STAU1: variants seen among roughly 807,000 people sequenced by gnomAD.
STAU1 encodes the protein double-stranded RNA-binding protein Staufen homolog 1.
Under a neutral mutation model 62.9 loss-of-function variants are expected in STAU1, and 13 were observed. The ratio of observed to expected loss-of-function variants is 0.21; its 90% CI spans 0.13 to 0.33. The LOEUF (loss-of-function observed/expected upper bound fraction) is 0.33, where lower values mean the gene tolerates loss of function less well. STAU1 is among the 10% of genes least tolerant of loss of function. STAU1 has a pLI of 1.00. For synonymous variants in STAU1, 269 were observed against 265.1 expected (o/e 1.01, Z -0.14); for missense variants, 571 against 712.1 (o/e 0.80, Z 2.25).
intron 6 of STAU1, among the ~76,000 whole-genome samples, chr20:49,133,556 A>T (rs753849971): frequency 8.5e-5 from 13 of 152,088 alleles, no homozygotes; most frequent in Non-Finnish European, 1.2e-4. Context: ...TTTCCCACTC[A>T]ACTGTGAGCC....
chr20:49,202,230 A>AAAAAGAAAGAAAGAAAGAAAGAAAG, the STAU1 span, among the ~76,000 whole-genome samples: 10 of 130,348 alleles, frequency 7.7e-5, no homozygotes, highest in African/African-American at 2.0e-4. Flanking sequence ...AAAAAAAAAA[A>AAAAAGAAAGAAAGAAAGAAAGAAAG]AAAGAAAGAA....
rs2092229677 is a variant in STAU1, at chr20:49,113,470, G to A, written c.*1408C>T. On this transcript the variant is annotated 3_prime_UTR_variant, in exon 14 of 14. Coordinates refer to ENST00000371856, the MANE Select transcript of STAU1 (RefSeq NM_017453.4). ...AATAAAAAAAGGATAGGGGCAAGTT[G>A]GGAGGGGACCAACCTAGCAGTAGTG... The A allele has an allele frequency of 6.6e-6, 1 of 152,624 alleles. No homozygotes were observed. Among genetic ancestry groups the A allele is most frequent in the South Asian group, 2.1e-4 (1 of 4,830 alleles). 9.5% of individuals were successfully genotyped at this position (152,624 alleles called of 1,614,324 possible).
At chr20:49,182,712 A>G (rs916418051) in intron 1 of STAU1, among the ~76,000 whole-genome samples, 7 of 151,946 alleles carry the variant, frequency 4.6e-5, no homozygotes, top group African/African-American at 1.7e-4. Flanking sequence ...GGTGGCGGGC[A>G]CCTGTAGTCC....
intron 8 of STAU1, among the ~76,000 whole-genome samples, chr20:49,120,932 T>C (rs1475111081): frequency 6.6e-6 from 1 of 152,006 alleles, no homozygotes; most frequent in Non-Finnish European, 1.5e-5. Context: ...GTAGCTGGGA[T>C]TACAGGCGTG....
chr20:49,175,394 A>G (rs2093646669), intron 1 of STAU1, among the ~76,000 whole-genome samples: 1 of 151,948 alleles, frequency 6.6e-6, no homozygotes, highest in Non-Finnish European at 1.5e-5. Flanking sequence ...AGACACATTT[A>G]TAAGAGACAG....
intron 1 of STAU1, among the ~76,000 whole-genome samples, chr20:49,185,118 C>T (rs562910896): frequency 1.2e-4 from 18 of 152,138 alleles, no homozygotes; most frequent in Non-Finnish European, 2.5e-4. Flanking sequence ...GACGGGGGCA[C>T]TTTGGAAAAC....
At chr20:49,134,437 A>G (rs2092827246) in intron 6 of STAU1, 6 of 419,566 alleles carry the variant, frequency 1.4e-5, no homozygotes, top group African/African-American at 4.3e-5. Flanking sequence ...TCTCAGGGAA[A>G]AAAAAAAAAA....
chr20:49,209,368 C>G, the STAU1 span, among the ~76,000 whole-genome samples: 1 of 151,236 alleles, frequency 6.6e-6, no homozygotes, highest in Non-Finnish European at 1.5e-5. Flanking sequence ...TCTGTCTATA[C>G]CCTATGCATG....
chr20:49,183,572 G>T (rs1017617863), intron 1 of STAU1, among the ~76,000 whole-genome samples: 3 of 152,112 alleles, frequency 2.0e-5, no homozygotes, highest in African/African-American at 7.2e-5. Flanking sequence ...CAGTAAAAAG[G>T]CTCAAAGAAA....
At chr20:49,206,945 G>A in the STAU1 span, among the ~76,000 whole-genome samples, 5 of 151,226 alleles carry the variant, frequency 3.3e-5, no homozygotes, top group South Asian at 6.2e-4. Context: ...TAGTAGAGAC[G>A]GGGTTTCACC....
At chr20:49,139,597 A>G (rs900076227) in intron 5 of STAU1, among the ~76,000 whole-genome samples, 2 of 151,636 alleles carry the variant, frequency 1.3e-5, no homozygotes, top group African/African-American at 2.4e-5. Flanking sequence ...GTGGTAGCAG[A>G]CGTCTGTAAT....
At chr20:49,218,720 T>C in the STAU1 span, among the ~76,000 whole-genome samples, 2 of 147,572 alleles carry the variant, frequency 1.4e-5, no homozygotes, top group Non-Finnish European at 3.0e-5. Flanking sequence ...AGATTTTTTT[T>C]CCCCTACAAT....
chr20:49,205,174 C>T, the STAU1 span, among the ~76,000 whole-genome samples: 2 of 152,124 alleles, frequency 1.3e-5, no homozygotes, highest in Non-Finnish European at 2.9e-5. Flanking sequence ...AAATTTAAAA[C>T]GTATTTTCGT....
chr20:49,182,903 GTAGA>G (rs962456878), intron 1 of STAU1, among the ~76,000 whole-genome samples: 4 of 151,222 alleles, frequency 2.6e-5, no homozygotes, highest in Non-Finnish European at 5.9e-5. Context: ...AAAATAGAAA[GTAGA>G]TGGTATCTAA....
intron 3 of STAU1, among the ~76,000 whole-genome samples, chr20:49,163,300 C>G (rs900655495): frequency 3.9e-5 from 6 of 151,996 alleles, no homozygotes; most frequent in Non-Finnish European, 7.4e-5. Context: ...ATCCCCACTC[C>G]CTTTTTTTTT....
chr20:49,196,201 C>T, the STAU1 span, among the ~76,000 whole-genome samples: 3 of 151,176 alleles, frequency 2.0e-5, no homozygotes, highest in Non-Finnish European at 4.4e-5. Context: ...CATTGGGAGG[C>T]CGAGGCGGGC....
intron 6 of STAU1, chr20:49,134,449 A>AAAAAAAAAAAAAAAAAAAAAAAGGGGGG: frequency 1.6e-6 from 1 of 609,626 alleles, no homozygotes; most frequent in Non-Finnish European, 2.9e-6. Flanking sequence ...AAAAAAAAAA[A>AAAAAAAAAAAAAAAAAAAAAAAGGGGGG]GCTCTGGGTT....
intron 3 of STAU1, among the ~76,000 whole-genome samples, chr20:49,160,416 AACAG>A (rs1214550901): frequency 2.6e-5 from 4 of 152,362 alleles, no homozygotes; most frequent in East Asian, 1.9e-4. Flanking sequence ...TAGGATCAGA[AACAG>A]ACAGCGTCAA....
intron 1 of STAU1, among the ~76,000 whole-genome samples, chr20:49,176,969 T>C (rs1248758250): frequency 6.6e-6 from 1 of 150,754 alleles, no homozygotes; most frequent in East Asian, 2.0e-4. Flanking sequence ...TGGAGTGCAA[T>C]GGCGTGATCT....
Sources: gnomAD v4.1 joint callset for allele counts (sites outside exome capture counted in the v4.1 genomes callset) on GRCh38, gnomAD v4.1.1 for gene constraint, MANE v1.5 for transcripts, NCBI Gene and HGNC (gene_info 2026-07-23, HGNC 2026-07-21) for gene names.